SLC27A1: variants seen among roughly 807,000 people sequenced by gnomAD.
SLC27A1 encodes long-chain fatty acid transport protein 1.
In SLC27A1, 61 loss-of-function variants were observed where a neutral mutation model predicts 62.2. The observed-to-expected ratio is 0.98, with a 90% CI of 0.80 to 1.21. The LOEUF (loss-of-function observed/expected upper bound fraction) is 1.21, where lower values mean the gene tolerates loss of function less well. Among genes scored for constraint, SLC27A1 ranks in the 50% most tolerant of loss-of-function variants. The pLI is 0.00. For missense variants in SLC27A1, 903 were observed against 932.1 expected, an observed-to-expected ratio of 0.97 and a Z score of 0.41; for synonymous variants, 435 against 408.6, an observed-to-expected ratio of 1.06 and a Z score of -0.78.
intron 1 of SLC27A1, among the ~76,000 whole-genome samples, chr19:17,478,702 C>T (rs994140967): frequency 6.6e-6 from 1 of 151,058 alleles, no homozygotes; most frequent in African/African-American, 2.4e-5. Flanking sequence ...TACAAAAATA[C>T]AAAAATTAGC....
intron 1 of SLC27A1, among the ~76,000 whole-genome samples, chr19:17,481,018 C>T (rs763213911): frequency 6.6e-5 from 10 of 151,134 alleles, no homozygotes; most frequent in East Asian, 2.0e-4. Flanking sequence ...CTCTGCCTCC[C>T]GGGTTCAAGC....
chr19:17,473,233 A>G (rs2075093657), intron 1 of SLC27A1, among the ~76,000 whole-genome samples: 1 of 152,100 alleles, frequency 6.6e-6, no homozygotes, highest in Non-Finnish European at 1.5e-5. Context: ...ACTGCTTTGA[A>G]CCATATTGTC....
Position 17,486,674 on chromosome 19 carries a change from G to A in SLC27A1, c.279G>A (p.Leu93=), listed in dbSNP as rs151252642. ...QAVVQRQPER[L]ALVDAGTGEC... The stretch of plus-strand genomic sequence containing the variant: ...TAGTGCAGCGACAGCCCGAGCGCCT[G>A]GCGCTGGTGGATGCCGGGACCGGCG... Residue 93 remains leucine, a synonymous_variant, in exon 2 of 12, where the codon CTG becomes CTA. Transcript: ENST00000252595. The surrounding 1 kb of genome is among the most constrained non-coding windows in gnomAD (Gnocchi z 6.6). The A allele has an allele frequency of 5.0e-6, 8 of 1,610,208 alleles. No homozygotes were observed. In the African/African-American group the frequency reaches 1.1e-4, roughly 21 times the overall value.
At chr19:17,500,064 T>C (rs2075392400) in intron 7 of SLC27A1, 2 of 704,338 alleles carry the variant, frequency 2.8e-6, no homozygotes. Context: ...CCAGAGGTCT[T>C]CTCTTGACTG....
At chr19:17,491,546 A>G (rs148486624) in intron 6 of SLC27A1, among the ~76,000 whole-genome samples, 55 of 152,354 alleles carry the variant, frequency 3.6e-4, no homozygotes, top group African/African-American at 1.3e-3. Context: ...AATTAAATAC[A>G]CAACCAGCAT....
intron 6 of SLC27A1, chr19:17,495,724 G>A (rs1031443124): frequency 6.6e-6 from 1 of 152,278 alleles, no homozygotes; most frequent in African/African-American, 2.4e-5. Context: ...CTCCCCCTTA[G>A]GGACCTGCTG....
intron 6 of SLC27A1, 92 bp downstream of exon 6, chr19:17,489,209 C>A: frequency 1.9e-6 from 2 of 1,047,398 alleles, no homozygotes; most frequent in Admixed American, 2.2e-5. Flanking sequence ...CGGTGAGGCC[C>A]CGTACCTCCC....
chr19:17,504,879 TTTTCTTTTCTTTC>T lies in SLC27A1; in HGVS notation c.*275_*287del, dbSNP rs1489263444. ...CTGTCTGGCCTTAACTCTTCCCTCT[TTTTCTTTTCTTTC>T]TTTCTTTCTTTTTTTTTTAAGATAG... is the stretch of plus-strand genomic sequence containing the variant. On this transcript the variant is annotated 3_prime_UTR_variant, in exon 12 of 12. Coordinates refer to ENST00000252595, the MANE Select transcript of SLC27A1 (RefSeq NM_198580.3). The T allele has an allele frequency of 1.5e-6, 1 of 648,586 alleles. No individual in the cohort carries two copies. The highest frequency in any genetic ancestry group is 2.8e-6 in the Non-Finnish European group (1 of 352,384). The allele number at this position is 648,586 out of a possible 1,614,324, so 40.2% of individuals were successfully genotyped here. A position where few individuals can be genotyped will look rare whatever the true frequency, so the allele number is the denominator to read the frequency against.
At chr19:17,476,890 T>A (rs116634502) in intron 1 of SLC27A1, among the ~76,000 whole-genome samples, 1 of 145,996 alleles carries the variant, frequency 6.8e-6, no homozygotes, top group Admixed American at 6.9e-5. Flanking sequence ...TCTGTTTTTT[T>A]TTTTTTTTTT....
chr19:17,475,780 G>T (rs1042391702), intron 1 of SLC27A1, among the ~76,000 whole-genome samples: 1 of 152,112 alleles, frequency 6.6e-6, no homozygotes, highest in Non-Finnish European at 1.5e-5. Flanking sequence ...AAATCTGATC[G>T]TATTCATCCT....
At position 17,500,760 on chromosome 19, in the gene SLC27A1, G is replaced by T; in HGVS notation, c.1520G>T (p.Arg507Leu). Residue 507 changes from arginine (R) to leucine (L), a missense_variant, in exon 10 of 12, where the codon CGT becomes CTT. Physicochemically the swap from Arg to Leu is moderately radical, Grantham distance 102 (BLOSUM62 -2). Transcript: ENST00000252595. ...DELGYMYFRDRSGDTFRWRGE... is the reference protein window; with the variant it reads ...DELGYMYFRDLSGDTFRWRGE... ...CTGGGCTACATGTACTTCCGGGACCGTAGCGGGGACACCTTCCGCTGGCGA... is the reference window on the plus strand; with the variant it reads ...CTGGGCTACATGTACTTCCGGGACCTTAGCGGGGACACCTTCCGCTGGCGA... 6.2e-7 allele frequency: 1 copy of T among 1,613,728 alleles called. No individual in the cohort carries two copies. Among genetic ancestry groups the T allele is most frequent in the Non-Finnish European group, 8.5e-7 (1 of 1,179,948 alleles).
intron 6 of SLC27A1, 139 bp from the exon 7 acceptor site, chr19:17,497,116 T>C: frequency 1.6e-6 from 1 of 614,836 alleles, no homozygotes; most frequent in Admixed American, 3.9e-5. Context: ...TGTGGACGAT[T>C]CTGCAGCCAT....
At chr19:17,501,177 G>A in intron 10 of SLC27A1, 96 bp from the exon 11 acceptor site, 1 of 1,501,142 alleles carries the variant, frequency 6.7e-7, no homozygotes, top group Non-Finnish European at 9.0e-7. Context: ...AGAGACTGGA[G>A]ATTACAGACC....
At position 17,486,471 on chromosome 19, in the gene SLC27A1, G is replaced by C. The variant is rs907663458; in HGVS notation, c.168-92G>C. ...ATAGACCTCATCAAAGCCCCTGGCT[G>C]CCCTGGGGTCCTCCAGCGGGGAGGC... is the stretch of plus-strand genomic sequence containing the variant. On this transcript the variant is annotated intron_variant, in intron 1 of 11. Coordinates refer to ENST00000252595, the MANE Select transcript of SLC27A1 (RefSeq NM_198580.3). This position sits in a 1 kb window ranked among gnomAD's most constrained non-coding sequence, Gnocchi z 6.6. The C allele has an allele frequency of 2.8e-6, 4 of 1,420,814 alleles. No individual in the cohort carries two copies. The East Asian group carries it at 1.0e-4, about 36-fold the overall frequency. 88.0% of individuals were successfully genotyped at this position (1,420,814 alleles called of 1,614,324 possible).
Position 17,500,754 on chromosome 19 carries a change from G to A in SLC27A1, c.1514G>A (p.Arg505Gln), listed in dbSNP as rs149049260. Residue 505 changes from arginine to glutamine, a missense_variant, in exon 10 of 12, where the codon CGG becomes CAG. Transcript: ENST00000252595. ...GATGAGCTGGGCTACATGTACTTCC[G>A]GGACCGTAGCGGGGACACCTTCCGC... ...VMDELGYMYF[R>Q]DRSGDTFRWR... 356 of 1,613,772 alleles carry A rather than the reference G, an allele frequency of 2.2e-4. No homozygotes were observed. Among genetic ancestry groups the A allele is most frequent in the Non-Finnish European group, 2.9e-4 (339 of 1,179,982 alleles).
At chr19:17,470,234 G>A (rs905846510), upstream of SLC27A1, among the ~76,000 whole-genome samples, 1 of 152,002 alleles carries the variant, frequency 6.6e-6, no homozygotes, top group African/African-American at 2.4e-5. Context: ...GAATAGAGCG[G>A]ACCCAGGGTC....
At chr19:17,471,208 A>G (rs1367796136) in intron 1 of SLC27A1, among the ~76,000 whole-genome samples, 2 of 152,000 alleles carry the variant, frequency 1.3e-5, no homozygotes, top group African/African-American at 4.8e-5. Context: ...GGGTCTATCT[A>G]GGGCTTTCTC....
chr19:17,500,547 C>T lies in SLC27A1; in HGVS notation c.1386C>T (p.Arg462=). ...GQINQQDPLR[R]FDGYVSESAT... ...TCAACCAACAGGACCCGCTGCGCCG[C>T]TTCGATGGCTATGTCAGCGAGAGCG... Residue 462 remains arginine (R), a synonymous_variant, in exon 9 of 12, where the codon CGC becomes CGT. Coordinates refer to ENST00000252595, the MANE Select transcript of SLC27A1 (RefSeq NM_198580.3). The T allele has an allele frequency of 6.2e-7, 1 of 1,613,690 alleles. No individual in the cohort carries two copies. Among genetic ancestry groups the T allele is most frequent in the Non-Finnish European group, 8.5e-7 (1 of 1,179,876 alleles).
intron 1 of SLC27A1, among the ~76,000 whole-genome samples, chr19:17,479,499 G>A (rs1568411632): frequency 1.3e-5 from 2 of 152,184 alleles, no homozygotes; most frequent in Non-Finnish European, 2.9e-5. Flanking sequence ...CCTGCTTAGG[G>A]CGTTTGGTGT....
Sources: gnomAD v4.1 joint callset for allele counts (sites outside exome capture counted in the v4.1 genomes callset) on GRCh38, gnomAD v4.1.1 for gene constraint, Gnocchi (gnomAD v3.1) non-coding constraint, MANE v1.5 for transcripts, NCBI Gene and HGNC (gene_info 2026-07-23, HGNC 2026-07-21) for gene names.